Variants in CLEC4A observed in about 807,000 individuals in gnomAD.
The protein encoded by CLEC4A is C-type lectin domain family 4 member A.
In CLEC4A, 27 loss-of-function variants were observed where a neutral mutation model predicts 32.7. That is an observed-to-expected ratio of 0.83 (90% CI 0.61 to 1.14). The LOEUF (loss-of-function observed/expected upper bound fraction) is 1.14. Ranked by LOEUF, CLEC4A falls within the 50% of genes most tolerant of loss-of-function variation. The pLI is 0.00. For synonymous variants in CLEC4A, 89 were observed against 93.7 expected, an observed-to-expected ratio of 0.95 and a Z score of 0.29; for missense variants, 253 against 274.6, an observed-to-expected ratio of 0.92 and a Z score of 0.55.
chr12:8,112,092 C>G, the CLEC4A span, among the ~76,000 whole-genome samples: 1 of 152,218 alleles, frequency 6.6e-6, no homozygotes, highest in South Asian at 2.1e-4. Context: ...CCTCAGCCTC[C>G]TGAGTAGCTG....
At chr12:8,119,501 G>A (rs1184744210), upstream of CLEC4A, among the ~76,000 whole-genome samples, 1 of 152,204 alleles carries the variant, frequency 6.6e-6, no homozygotes, top group East Asian at 1.9e-4. Flanking sequence ...TGGGATTACA[G>A]GCATGAGCTA....
intron 2 of CLEC4A, among the ~76,000 whole-genome samples, chr12:8,126,762 G>A (rs1947907940): frequency 6.6e-6 from 1 of 152,146 alleles, no homozygotes; most frequent in Non-Finnish European, 1.5e-5. Context: ...AAGAGGCTGA[G>A]GTAGGCTTTC....
chr12:8,121,312 C>T (rs1168096665), upstream of CLEC4A: 2 of 152,190 alleles, frequency 1.3e-5, no homozygotes, highest in Admixed American at 6.5e-5. Flanking sequence ...TGCATGTATA[C>T]CTGTCTACGT....
intron 2 of CLEC4A, 77 bp from the exon 3 acceptor site, chr12:8,129,187 G>T: frequency 5.8e-6 from 5 of 865,516 alleles, no homozygotes; most frequent in Non-Finnish European, 9.1e-6. Flanking sequence ...TTTCAATAAA[G>T]AATGCAAGAA....
chr12:8,135,687 G>T lies in CLEC4A; in HGVS notation c.401G>T (p.Cys134Phe). ...SASWQDSEKD[C>F]ARMEAHLLVI... ...TCTTGGCAAGACAGTGAGAAGGACT[G>T]TGCTAGAATGGAGGCTCACCTGCTG... Residue 134 changes from cysteine (C) to phenylalanine (F), a missense_variant, in exon 4 of 6, where the codon TGT (cysteine) becomes TTT (phenylalanine). Physicochemically the swap from Cys to Phe is radical, Grantham distance 205. Coordinates refer to ENST00000229332, the MANE Select transcript of CLEC4A (RefSeq NM_016184.4). 6.2e-7 allele frequency: 1 copy of T among 1,614,222 alleles called. No individual in the cohort carries two copies. Among genetic ancestry groups the T allele is most frequent in the Non-Finnish European group, 8.5e-7 (1 of 1,180,022 alleles).
rs1356986886 is a variant in CLEC4A at position 8,134,895 on chromosome 12, T to A, written c.299-690T>A. On this transcript the variant is annotated intron_variant, in intron 3 of 5. Coordinates refer to ENST00000229332, the MANE Select transcript of CLEC4A (RefSeq NM_016184.4). ...AAGCATGGTGAAATCTTGGTTTTTCTTTATATCTTCTAGTTCTTTGCTGAA... is the reference window on the plus strand; with the variant it reads ...AAGCATGGTGAAATCTTGGTTTTTCATTATATCTTCTAGTTCTTTGCTGAA... The A allele has an allele frequency of 2.7e-6, 4 of 1,482,072 alleles. No homozygotes were observed. The Admixed American group carries it at 1.0e-4, about 38-fold the overall frequency. 91.8% of individuals were successfully genotyped at this position (1,482,072 alleles called of 1,614,324 possible). A position where few individuals can be genotyped will look rare whatever the true frequency, so the allele number is the denominator to read the frequency against.
chr12:8,133,103 T>C (rs1039931391), intron 3 of CLEC4A, among the ~76,000 whole-genome samples: 4 of 152,074 alleles, frequency 2.6e-5, no homozygotes, highest in Non-Finnish European at 4.4e-5. Context: ...TTAGTAGATA[T>C]GGGGTTTCAC....
intron 2 of CLEC4A, among the ~76,000 whole-genome samples, chr12:8,128,443 C>T (rs1947937503): frequency 6.8e-6 from 1 of 146,436 alleles, no homozygotes; most frequent in Non-Finnish European, 1.5e-5. Flanking sequence ...TGGAGTCTTG[C>T]TCCGTCACCC....
intron 4 of CLEC4A, 127 bp downstream of exon 4, chr12:8,135,863 T>C (rs1330951424): frequency 1.1e-6 from 1 of 888,904 alleles, no homozygotes; most frequent in South Asian, 2.0e-5. Context: ...ATAAAATAGG[T>C]AGAAAGGGCT....
At chr12:8,123,043 C>G (rs1947847037), upstream of CLEC4A, among the ~76,000 whole-genome samples, 1 of 152,102 alleles carries the variant, frequency 6.6e-6, no homozygotes, top group South Asian at 2.1e-4. Flanking sequence ...AGTTTATCCC[C>G]TTCTATACTG....
chr12:8,131,813 G>GAT (rs1009658315), intron 3 of CLEC4A, among the ~76,000 whole-genome samples: 4 of 82,264 alleles, frequency 4.9e-5, no homozygotes, highest in Admixed American at 1.9e-4. Flanking sequence ...TACTCATGGA[G>GAT]ATATATATAT....
At position 8,123,938 on chromosome 12, in the gene CLEC4A, C is replaced by CATCA. The variant is rs770505223; in HGVS notation, c.62_65dup (p.Thr23GlnfsTer18). ...TCAAAAATGAATTCAAGTCCTCAGG[C>CATCA]ATCAACACAGCCTCTTCTGCAGGTA... On this transcript the variant is annotated frameshift_variant, in exon 1 of 6. Transcript: ENST00000229332. LOFTEE classifies it high-confidence loss of function. 26 of 1,610,876 alleles carry CATCA rather than the reference C, an allele frequency of 1.6e-5. No homozygotes were observed. In the Admixed American group the frequency reaches 2.5e-4, roughly 15 times the overall value.
chr12:8,136,528 C>CA (rs1436597612), intron 4 of CLEC4A, among the ~76,000 whole-genome samples: 1 of 145,914 alleles, frequency 6.9e-6, no homozygotes, highest in African/African-American at 2.6e-5. Context: ...TGCACCACTG[C>CA]ACTCCAGCCT....
At chr12:8,117,035 C>T in the CLEC4A span, among the ~76,000 whole-genome samples, 1 of 152,194 alleles carries the variant, frequency 6.6e-6, no homozygotes, top group Non-Finnish European at 1.5e-5. Flanking sequence ...TTGGTCTCTT[C>T]AGCCTGCAGC....
At chr12:8,125,801 C>A (rs935789781) in intron 2 of CLEC4A, 124 bp downstream of exon 2, 1 of 652,232 alleles carries the variant, frequency 1.5e-6, no homozygotes, top group African/African-American at 1.8e-5. Flanking sequence ...TCTGGGGAGA[C>A]ATAATTCATG....
At chr12:8,124,610 G>C (rs1591606154) in intron 1 of CLEC4A, among the ~76,000 whole-genome samples, 1 of 152,270 alleles carries the variant, frequency 6.6e-6, no homozygotes, top group East Asian at 1.9e-4. Flanking sequence ...CTCAAGTATA[G>C]AGCAAAAGAG....
the CLEC4A span, among the ~76,000 whole-genome samples, chr12:8,103,256 ATTC>A: frequency 6.6e-6 from 1 of 151,728 alleles, no homozygotes. Context: ...GCCTTTAATA[ATTC>A]TTCTTTGCTT....
At chr12:8,134,548 C>G in intron 3 of CLEC4A, 3 of 1,613,670 alleles carry the variant, frequency 1.9e-6, no homozygotes, top group Non-Finnish European at 2.5e-6. Flanking sequence ...CTCTCCACCC[C>G]GACTCCTGCT....
Position 8,125,674 on chromosome 12 carries a change from G to T in CLEC4A, c.196G>T (p.Val66Phe). Residue 66 changes from valine (V) to phenylalanine (F), a missense_variant, in exon 2 of 6, where the codon GTC becomes TTC. Transcript: ENST00000229332. ...LLAISFFIAF[V>F]IFFQKYSQLL... ...GGCAATCTCATTCTTTATTGCTTTT[G>T]TCAGTAAGTATGCCAACTGAACCAA... is the stretch of plus-strand genomic sequence containing the variant. The T allele has an allele frequency of 6.3e-7, 1 of 1,577,260 alleles. No homozygotes were observed.
Sources: gnomAD v4.1 joint callset for allele counts (sites outside exome capture counted in the v4.1 genomes callset) on GRCh38, gnomAD v4.1.1 for gene constraint, MANE v1.5 for transcripts, NCBI Gene and HGNC (gene_info 2026-07-23, HGNC 2026-07-21) for gene names.